Variants in HDLBP observed in about 807,000 individuals in gnomAD.
HDLBP encodes the protein vigilin.
In HDLBP, 30 loss-of-function variants were observed where a neutral mutation model predicts 137.3. The observed-to-expected ratio is 0.22, with a 90% CI of 0.16 to 0.30. HDLBP has a LOEUF of 0.30. HDLBP is among the 10% of genes least tolerant of loss of function. HDLBP has a pLI of 1.00. For synonymous variants in HDLBP, 606 were observed against 596.0 expected, an observed-to-expected ratio of 1.02 and a Z score of -0.24; for missense variants, 1,119 against 1,667.3, an observed-to-expected ratio of 0.67 and a Z score of 5.73.
chr2:241,303,522 G>A (rs903584991), intron 1 of HDLBP, among the ~76,000 whole-genome samples: 5 of 152,262 alleles, frequency 3.3e-5, no homozygotes, highest in Admixed American at 1.3e-4. Context: ...GGACAGCAGC[G>A]CCCTCAATAC....
intron 1 of HDLBP, among the ~76,000 whole-genome samples, chr2:241,292,771 CTTTTA>C (rs1474063369): frequency 8.4e-6 from 1 of 119,698 alleles, no homozygotes; most frequent in Admixed American, 9.2e-5. Context: ...CTTCTATTCT[CTTTTA>C]TTTTGTGGTA....
At chr2:241,300,912 T>C (rs1235167880) in intron 1 of HDLBP, among the ~76,000 whole-genome samples, 2 of 151,792 alleles carry the variant, frequency 1.3e-5, no homozygotes, top group South Asian at 2.1e-4. Flanking sequence ...AAGAAAAAAA[T>C]TGTATTCTTC....
At chr2:241,290,102 C>T (rs1373362081) in intron 1 of HDLBP, among the ~76,000 whole-genome samples, 2 of 152,114 alleles carry the variant, frequency 1.3e-5, no homozygotes, top group African/African-American at 4.8e-5. Context: ...CTTCGGGGTA[C>T]ACAGTTAATG....
chr2:241,254,295 A>AT (rs2072444455), intron 9 of HDLBP, among the ~76,000 whole-genome samples: 1 of 152,132 alleles, frequency 6.6e-6, no homozygotes, highest in Non-Finnish European at 1.5e-5. Context: ...AAAAAATTTA[A>AT]TTTTTAAAAA....
rs773438416 is a variant in HDLBP at position 241,249,876 on chromosome 2, C to A, written c.1477G>T (p.Ala493Ser). The A allele has an allele frequency of 1.5e-5, 24 of 1,613,004 alleles. No individual in the cohort carries two copies. Among genetic ancestry groups the A allele is most frequent in the Non-Finnish European group, 2.0e-5 (24 of 1,179,616 alleles). ...GCAAGCTCCAGCAGCTCTCGCTTGG[C>A]CTGCTGCACGCCCTGTGGGTCCCCC... is the stretch of plus-strand genomic sequence containing the variant. ...IEGDPQGVQQ[A>S]KRELLELASR... The change falls in exon 12 of 28, where the codon GCC becomes TCC. Residue 493 changes from alanine (A) to serine (S), a missense_variant. This residue lies in a region of HDLBP where 425 missense variants were observed against 693.9 expected (regional missense o/e 0.61). Coordinates refer to ENST00000310931, the MANE Select transcript of HDLBP (RefSeq NM_005336.6).
Position 241,229,481 on chromosome 2 carries a change from G to T in HDLBP, c.*120C>A. ...GCGCTAGGCTCCCTGCGGGACCTCGGGAAGGGGGAAGAGCGTCAACAATTT... is the reference window on the plus strand; with the variant it reads ...GCGCTAGGCTCCCTGCGGGACCTCGTGAAGGGGGAAGAGCGTCAACAATTT... On this transcript the variant is annotated 3_prime_UTR_variant, in exon 28 of 28. Transcript: ENST00000310931. 1.3e-6 allele frequency: 1 copy of T among 749,000 alleles called. No homozygotes were observed. 46.4% of individuals were successfully genotyped at this position (749,000 alleles called of 1,614,324 possible).
In HDLBP at chr2:241,247,318, C is replaced by T. The variant is rs147442033; in HGVS notation, c.1732-176G>A. 223 of 607,006 alleles carry T rather than the reference C, an allele frequency of 3.7e-4. 1 individual carries two copies. Among genetic ancestry groups the T allele is most frequent in the African/African-American group, 3.0e-3 (165 of 54,126 alleles). The allele number at this position is 607,006 out of a possible 1,614,324, so 37.6% of individuals were successfully genotyped here. A position where few individuals can be genotyped will look rare whatever the true frequency, so the allele number is the denominator to read the frequency against. The stretch of plus-strand genomic sequence containing the variant: ...GATCATTTGTCCAACAACTAACTTA[C>T]GTTGCAAATTACAGTCAATCGATGC... On this transcript the variant is annotated intron_variant, in intron 14 of 27. Transcript: ENST00000310931.
In HDLBP at chr2:241,272,211, C is replaced by CT. The variant is rs1559532408; in HGVS notation, c.-102-3671_-102-3670insA. The CT allele has an allele frequency of 3.0e-4, 298 of 982,822 alleles. No homozygotes were observed. The African/African-American group carries it at 4.9e-3, about 16-fold the overall frequency. 60.9% of individuals were successfully genotyped at this position (982,822 alleles called of 1,614,324 possible). Reference sequence around the variant, plus strand: ...GCGGCAGGTGGAGGTGCTGCGGGGGCCCCGCCGCCCGGTCTGCGCCCAGAC... The same window carrying CT: ...GCGGCAGGTGGAGGTGCTGCGGGGGCTCCCGCCGCCCGGTCTGCGCCCAGAC... On this transcript the variant is annotated intron_variant, in intron 1 of 27. Transcript: ENST00000310931. This position sits in a 1 kb window ranked among gnomAD's most constrained non-coding sequence, Gnocchi z 5.6.
At chr2:241,245,905 T>G (rs2071630779) in intron 16 of HDLBP, among the ~76,000 whole-genome samples, 1 of 152,182 alleles carries the variant, frequency 6.6e-6, no homozygotes, top group Non-Finnish European at 1.5e-5. Context: ...TTACATATAC[T>G]GTGAAAGAGA....
intron 1 of HDLBP, chr2:241,280,155 AAGTC>A (rs2074542142): frequency 2.0e-6 from 2 of 978,392 alleles, no homozygotes; most frequent in African/African-American, 3.5e-5. Context: ...GTGGTGGTCA[AAGTC>A]AGGTCAAAGA....
In HDLBP at chr2:241,272,585, C is replaced by T; in HGVS notation, c.-102-4044G>A. Reference sequence around the variant, plus strand: ...GCCCGGAACCGCCACGCGCGGTAAGCAGGACACCCGCGGGCGGGGGCCGCA... The same window carrying T: ...GCCCGGAACCGCCACGCGCGGTAAGTAGGACACCCGCGGGCGGGGGCCGCA... On this transcript the variant is annotated intron_variant, in intron 1 of 27. Transcript: ENST00000310931. This position sits in a 1 kb window ranked among gnomAD's most constrained non-coding sequence, Gnocchi z 5.6. 1.0e-6 allele frequency: 1 copy of T among 983,948 alleles called. No individual in the cohort carries two copies. The highest frequency in any genetic ancestry group is 4.7e-5 in the South Asian group (1 of 21,266). The allele number at this position is 983,948 out of a possible 1,614,324, so 61.0% of individuals were successfully genotyped here.
intron 11 of HDLBP, 57 bp downstream of exon 11, chr2:241,252,899 AC>A (rs1422500191): frequency 1.2e-5 from 14 of 1,164,770 alleles, no homozygotes; most frequent in East Asian, 2.4e-5. Flanking sequence ...CACAGCTGAC[AC>A]CCCCCACAAG....
At chr2:241,309,919 T>G (rs1246271317) in intron 1 of HDLBP, among the ~76,000 whole-genome samples, 3 of 152,200 alleles carry the variant, frequency 2.0e-5, no homozygotes, top group Non-Finnish European at 4.4e-5. Flanking sequence ...ACAAGGGTGC[T>G]GTAAGGAAAT....
rs74460469 is a variant in HDLBP at position 241,236,985 on chromosome 2, G to A, written c.2750-216C>T. 1.8e-4 allele frequency among the ~76,000 whole-genome samples: 27 copies of A among 148,242 alleles called. 1 individual carries two copies. Among genetic ancestry groups the A allele is most frequent in the African/African-American group, 6.2e-4 (25 of 40,520 alleles). On this transcript the variant is annotated intron_variant, in intron 20 of 27. Transcript: ENST00000310931. ...AGAGGGCTCCCAGACCTTGGGGGGG[G>A]GGGGGGGGGCGGCAATGAAGGCTTT...
At chr2:241,255,689 G>T in intron 7 of HDLBP, 109 bp from the exon 8 acceptor site, 1 of 791,116 alleles carries the variant, frequency 1.3e-6, no homozygotes, top group Admixed American at 2.0e-5. Flanking sequence ...GACTATAGAT[G>T]CTGATCCCAA....
intron 4 of HDLBP, among the ~76,000 whole-genome samples, 161 bp downstream of exon 4, chr2:241,264,287 G>A (rs60988674): frequency 0.16 from 23,993 of 150,732 alleles, 2,406 homozygotes; most frequent in East Asian, 0.4. Context: ...GCGTGAACCC[G>A]GGAGGCGGAG....
At chr2:241,254,646 G>A (rs1012881053) in intron 9 of HDLBP, among the ~76,000 whole-genome samples, 1 of 151,958 alleles carries the variant, frequency 6.6e-6, no homozygotes, top group Non-Finnish European at 1.5e-5. Flanking sequence ...CACCAAGCCC[G>A]GCTAATTTTT....
At chr2:241,264,256 G>T (rs1357915218) in intron 4 of HDLBP, among the ~76,000 whole-genome samples, 192 bp downstream of exon 4, 1 of 151,496 alleles carries the variant, frequency 6.6e-6, no homozygotes, top group African/African-American at 2.4e-5. Context: ...CAGCTACTCG[G>T]GAGGCTGAGG....
At position 241,240,426 on chromosome 2, in the gene HDLBP, C is replaced by T. The variant is rs2071087965; in HGVS notation, c.2170-304G>A. On this transcript the variant is annotated intron_variant, in intron 17 of 27. Transcript: ENST00000310931. This position sits in a 1 kb window ranked among gnomAD's most constrained non-coding sequence, Gnocchi z 5.5. ...CAAACTTCTCCAAGCCATTTTTGAT[C>T]TGCACAGGGGGAGGTGGGAGCAACG... Among the ~76,000 whole-genome samples the T allele has an allele frequency of 6.6e-6, 1 of 151,658 alleles. No individual in the cohort carries two copies.
Sources: allele counts gnomAD v4.1 joint callset (sites outside exome capture counted in the v4.1 genomes callset), GRCh38; gene constraint gnomAD v4.1.1; regional missense constraint gnomAD v4.1.1; non-coding constraint Gnocchi (gnomAD v3.1); transcripts MANE v1.5; gene names NCBI Gene and HGNC (gene_info 2026-07-23, HGNC 2026-07-21).